The following SHANK2 variants were observed in gnomAD, a reference collection of about 807,000 sequenced individuals.
SHANK2 encodes SH3 and multiple ankyrin repeat domains protein 2.
Under a neutral mutation model 133.7 loss-of-function variants are expected in SHANK2, and 43 were observed. The observed-to-expected ratio is 0.32, with a 90% CI of 0.25 to 0.41. The LOEUF (loss-of-function observed/expected upper bound fraction) is 0.41, where lower values mean the gene tolerates loss of function less well. SHANK2 is among the 10% of genes least tolerant of loss of function. The pLI is 1.00. For synonymous variants in SHANK2, 1,017 were observed against 952.8 expected (o/e 1.07, Z -1.24); for missense variants, 1,994 against 2,235.8 (o/e 0.89, Z 2.18).
intron 10 of SHANK2, chr11:70,942,809 G>A (rs781947722): frequency 8.8e-6 from 4 of 456,570 alleles, no homozygotes; most frequent in Non-Finnish European, 8.8e-6. Context: ...GGTTAACACT[G>A]CCACTCAGTG....
chr11:70,914,644 A>C (rs1272229353), intron 10 of SHANK2, among the ~76,000 whole-genome samples: 1 of 143,870 alleles, frequency 7.0e-6, no homozygotes, highest in Non-Finnish European at 1.5e-5. Flanking sequence ...GTCTTAAGCA[A>C]GAACCCTACC....
chr11:70,527,763 G>A (rs1358484508), intron 17 of SHANK2, among the ~76,000 whole-genome samples: 6 of 152,336 alleles, frequency 3.9e-5, no homozygotes, highest in Middle Eastern at 3.4e-3. Flanking sequence ...GCTGAGCTAC[G>A]AATGTGCCTG....
intron 9 of SHANK2, among the ~76,000 whole-genome samples, chr11:71,063,394 C>T (rs1444123111): frequency 3.9e-5 from 6 of 152,188 alleles, no homozygotes; most frequent in African/African-American, 1.2e-4. Context: ...AACAATGATA[C>T]CTCCATGTAT....
rs568434832 is a variant in SHANK2 at position 71,119,026 on chromosome 11, T to A, written c.214A>T (p.Ile72Phe). 6.4e-7 allele frequency: 1 copy of A among 1,551,670 alleles called. No homozygotes were observed. The highest frequency in any genetic ancestry group is 8.7e-7 in the Non-Finnish European group (1 of 1,146,964). The change falls in exon 4 of 26, where the codon ATT (isoleucine) becomes TTT (phenylalanine). Residue 72 changes from isoleucine to phenylalanine, a missense_variant. Around this residue, in one of 5 missense-constraint regions of SHANK2, gnomAD observed 653 missense variants for 563.4 expected, o/e 1.16. Transcript: ENST00000601538. Reference sequence around the variant, plus strand: ...ACTGTGGCATCCGGGTTAAATCGAATGCATTTCTGCCAGGAAGGACAAAGA... The same window carrying A: ...ACTGTGGCATCCGGGTTAAATCGAAAGCATTTCTGCCAGGAAGGACAAAGA... ...VIHDLQQTKCIRFNPDATVWV... is the reference protein window; with the variant it reads ...VIHDLQQTKCFRFNPDATVWV...
rs527896614 is a variant in SHANK2 at position 71,223,160 on chromosome 11, G to C, written c.-13+1537C>G. Among the ~76,000 whole-genome samples the C allele has an allele frequency of 3.9e-5, 6 of 152,370 alleles. No homozygotes were observed. In the South Asian group the frequency reaches 1.2e-3, roughly 32 times the overall value. On this transcript the variant is annotated intron_variant, in intron 2 of 25. Transcript: ENST00000601538. Reference sequence around the variant, plus strand: ...TCAGACGGGATTGGTGAGCTGTAGAGCTGGAGACAGGAAAACCAGGCAGGT... The same window carrying C: ...TCAGACGGGATTGGTGAGCTGTAGACCTGGAGACAGGAAAACCAGGCAGGT...
intron 17 of SHANK2, among the ~76,000 whole-genome samples, chr11:70,546,191 G>A (rs35873002): frequency 0.4 from 59,135 of 147,934 alleles, 12,641 homozygotes; most frequent in East Asian, 0.8. Context: ...CGCCCGCCTC[G>A]GCCTCCCAAA....
intron 2 of SHANK2, among the ~76,000 whole-genome samples, chr11:71,151,335 G>A (rs535218537): frequency 3.3e-5 from 5 of 152,172 alleles, no homozygotes; most frequent in African/African-American, 9.6e-5. Context: ...GCGCTCTTCC[G>A]GTGTGGGAAG....
chr11:70,551,315 C>T (rs2059764835), intron 17 of SHANK2, among the ~76,000 whole-genome samples: 1 of 151,954 alleles, frequency 6.6e-6, no homozygotes, highest in Non-Finnish European at 1.5e-5. Context: ...CCCGCTGCCC[C>T]TCCCCCTCCC....
intron 10 of SHANK2, among the ~76,000 whole-genome samples, chr11:70,925,642 G>T (rs1555081448): frequency 6.6e-6 from 1 of 152,224 alleles, no homozygotes; most frequent in Non-Finnish European, 1.5e-5. Flanking sequence ...CTAGTGGGAA[G>T]AAAAGCCGGA....
intron 14 of SHANK2, among the ~76,000 whole-genome samples, chr11:70,757,497 G>A (rs1348283188): frequency 6.6e-6 from 1 of 152,258 alleles, no homozygotes; most frequent in Non-Finnish European, 1.5e-5. Flanking sequence ...AGCCAACACT[G>A]TGGTGTATGC....
At chr11:70,845,554 G>A (rs1555063025) in intron 11 of SHANK2, among the ~76,000 whole-genome samples, 1 of 152,104 alleles carries the variant, frequency 6.6e-6, no homozygotes, top group African/African-American at 2.4e-5. Flanking sequence ...AGGCGGTGTT[G>A]GAAGAAATGG....
At chr11:71,148,035 CAAAG>C (rs1952690016) in intron 2 of SHANK2, among the ~76,000 whole-genome samples, 1 of 151,574 alleles carries the variant, frequency 6.6e-6, no homozygotes, top group Non-Finnish European at 1.5e-5. Context: ...AATTACCCCA[CAAAG>C]AGTCAGGCCA....
chr11:70,571,723 G>A (rs2136182045), intron 17 of SHANK2, among the ~76,000 whole-genome samples: 1 of 152,180 alleles, frequency 6.6e-6, no homozygotes, highest in South Asian at 2.1e-4. Flanking sequence ...GTCGATACTG[G>A]AGGAGTCGGC....
chr11:70,876,254 A>ACACACACC (rs1949562263), intron 11 of SHANK2, among the ~76,000 whole-genome samples: 1 of 150,282 alleles, frequency 6.7e-6, no homozygotes, highest in Admixed American at 6.6e-5. Flanking sequence ...ACACACACAC[A>ACACACACC]CACACACACA....
rs532273728 is a variant in SHANK2 at position 70,583,473 on chromosome 11, C to T, written c.2061+76355G>A. Among the ~76,000 whole-genome samples, 313 of 152,286 alleles carry T rather than the reference C, an allele frequency of 2.1e-3. 3 individuals are homozygous for T. The highest frequency in any genetic ancestry group is 3.7e-3 in the Non-Finnish European group (251 of 68,014). On this transcript the variant is annotated intron_variant, in intron 17 of 25. Coordinates refer to ENST00000601538, the MANE Select transcript of SHANK2 (RefSeq NM_012309.5). ...CTGTGCCTACAGCACAGCAAGTGCT[C>T]GGTGAATACTGGCAGGTGCGATTTT...
chr11:70,951,521 G>A (rs1285009008), intron 10 of SHANK2, among the ~76,000 whole-genome samples: 3 of 151,338 alleles, frequency 2.0e-5, no homozygotes, highest in Non-Finnish European at 4.4e-5. Flanking sequence ...CTGCTGTGCT[G>A]TGATGTCATA....
chr11:70,866,782 T>G (rs1453653524), intron 11 of SHANK2, among the ~76,000 whole-genome samples: 1 of 151,644 alleles, frequency 6.6e-6, no homozygotes, highest in Non-Finnish European at 1.5e-5. Context: ...CCCGGCAAAT[T>G]TTCATCTCCC....
intron 2 of SHANK2, among the ~76,000 whole-genome samples, chr11:71,149,014 A>T (rs1175560584): frequency 6.6e-6 from 1 of 152,122 alleles, no homozygotes; most frequent in Non-Finnish European, 1.5e-5. Context: ...CCTGAAAGCA[A>T]TTCCAGCAAC....
intron 25 of SHANK2, among the ~76,000 whole-genome samples, chr11:70,484,678 T>TA (rs1213330469): frequency 6.6e-6 from 1 of 152,138 alleles, no homozygotes; most frequent in Admixed American, 6.5e-5. Flanking sequence ...CCAATGGAAA[T>TA]AATGTAAACC....
Sources: allele counts gnomAD v4.1 joint callset (sites outside exome capture counted in the v4.1 genomes callset), GRCh38; gene constraint gnomAD v4.1.1; regional missense constraint gnomAD v4.1.1; transcripts MANE v1.5; gene names NCBI Gene and HGNC (gene_info 2026-07-23, HGNC 2026-07-21).